SLC35D4: variants seen among roughly 807,000 people sequenced by gnomAD.
SLC35D4 encodes solute carrier family 35 member D4, also known as UDP-N-acetylglucosamine transporter SLC35D4.
chr18:23,310,116 G>A, the SLC35D4 span: 643 of 662,654 alleles, frequency 9.7e-4, 2 homozygotes, highest in Non-Finnish European at 1.1e-3. Context: ...TGCAGAACTC[G>A]TCTCCAAGGT....
chr18:23,351,346 G>A, the SLC35D4 span, among the ~76,000 whole-genome samples: 115 of 152,228 alleles, frequency 7.6e-4, 4 homozygotes, highest in East Asian at 0.02. Flanking sequence ...GGCAGAGGTT[G>A]CAATGAGTTG....
chr18:23,430,389 A>G, the SLC35D4 span, among the ~76,000 whole-genome samples: 1 of 152,106 alleles, frequency 6.6e-6, no homozygotes, highest in Non-Finnish European at 1.5e-5. Context: ...CAAATTTCTT[A>G]TGTAGGAATC....
At chr18:23,434,480 AT>A in the SLC35D4 span, among the ~76,000 whole-genome samples, 1 of 152,150 alleles carries the variant, frequency 6.6e-6, no homozygotes, top group African/African-American at 2.4e-5. Context: ...CATGGAAGGT[AT>A]TTTGTCCTTT....
chr18:23,272,286 T>G, the SLC35D4 span, among the ~76,000 whole-genome samples: 78 of 152,174 alleles, frequency 5.1e-4, no homozygotes, highest in Non-Finnish European at 8.7e-4. Flanking sequence ...ACCCCTTGCA[T>G]GGAAGCCACC....
At chr18:23,301,867 T>C in the SLC35D4 span, among the ~76,000 whole-genome samples, 1 of 152,224 alleles carries the variant, frequency 6.6e-6, no homozygotes, top group African/African-American at 2.4e-5. Flanking sequence ...AACTGTTAAT[T>C]AAAAATGAAC....
At chr18:23,429,487 C>A in the SLC35D4 span, among the ~76,000 whole-genome samples, 1 of 152,188 alleles carries the variant, frequency 6.6e-6, no homozygotes, top group Non-Finnish European at 1.5e-5. Flanking sequence ...CATTCTCCTG[C>A]CTCAGCATCC....
chr18:23,275,514 C>T, the SLC35D4 span, among the ~76,000 whole-genome samples: 1 of 152,172 alleles, frequency 6.6e-6, no homozygotes, highest in Admixed American at 6.5e-5. Flanking sequence ...TTCGCGAGAA[C>T]AAGCTGAACT....
chr18:23,419,655 T>A, the SLC35D4 span, among the ~76,000 whole-genome samples: 1 of 152,180 alleles, frequency 6.6e-6, no homozygotes, highest in Non-Finnish European at 1.5e-5. Context: ...ATGTAATGTG[T>A]GATCTGGATT....
the SLC35D4 span, among the ~76,000 whole-genome samples, chr18:23,365,119 C>G: frequency 6.6e-6 from 1 of 151,720 alleles, no homozygotes; most frequent in African/African-American, 2.4e-5. Flanking sequence ...TTGAGGTTAC[C>G]CTTTGGGATG....
At chr18:23,330,036 C>T in the SLC35D4 span, among the ~76,000 whole-genome samples, 2 of 151,988 alleles carry the variant, frequency 1.3e-5, no homozygotes, top group Admixed American at 1.3e-4. Flanking sequence ...CACCACACAA[C>T]GGGGCCTGTC....
the SLC35D4 span, among the ~76,000 whole-genome samples, chr18:23,375,180 T>C: frequency 6.6e-6 from 1 of 151,426 alleles, no homozygotes; most frequent in African/African-American, 2.4e-5. Flanking sequence ...GGCCAGATAA[T>C]AAGTGGCAAC....
At chr18:23,283,607 C>T in the SLC35D4 span, among the ~76,000 whole-genome samples, 2,733 of 151,778 alleles carry the variant, frequency 0.018, 79 homozygotes, top group African/African-American at 0.063. Context: ...GTCAGGAGTT[C>T]GAGTCCAGTC....
chr18:23,417,237 G>A, the SLC35D4 span, among the ~76,000 whole-genome samples: 61,767 of 135,246 alleles, frequency 0.46, 13,795 homozygotes, highest in Non-Finnish European at 0.57. Context: ...GCAAGACCTT[G>A]CCTCAAAAAA....
the SLC35D4 span, among the ~76,000 whole-genome samples, chr18:23,267,517 C>G: frequency 2.0e-5 from 3 of 152,112 alleles, no homozygotes; most frequent in East Asian, 5.8e-4. Context: ...TTTCCTCCCC[C>G]CAGGACACTC....
the SLC35D4 span, among the ~76,000 whole-genome samples, chr18:23,363,624 T>C: frequency 6.6e-6 from 1 of 152,126 alleles, no homozygotes; most frequent in Non-Finnish European, 1.5e-5. Context: ...TCCACCCGCC[T>C]CAGCCTCCCA....
chr18:23,402,347 T>C, the SLC35D4 span, among the ~76,000 whole-genome samples: 1 of 152,224 alleles, frequency 6.6e-6, no homozygotes, highest in Non-Finnish European at 1.5e-5. Context: ...ACTTTAACCA[T>C]GTATTTCAAT....
At chr18:23,397,831 T>C in the SLC35D4 span, among the ~76,000 whole-genome samples, 1 of 152,230 alleles carries the variant, frequency 6.6e-6, no homozygotes, top group African/African-American at 2.4e-5. Flanking sequence ...GGCGGCAGGA[T>C]TGCTTGCGCC....
the SLC35D4 span, among the ~76,000 whole-genome samples, chr18:23,375,119 A>T: frequency 2.0e-5 from 3 of 150,822 alleles, no homozygotes; most frequent in African/African-American, 7.3e-5. Context: ...CATCTCAAAA[A>T]AAAAATAAAA....
At chr18:23,411,230 G>A in the SLC35D4 span, among the ~76,000 whole-genome samples, 1 of 138,432 alleles carries the variant, frequency 7.2e-6, no homozygotes, top group African/African-American at 2.7e-5. Context: ...GGAGGGGAGG[G>A]AAGGGAAGGG....
Sources: allele counts gnomAD v4.1 joint callset (sites outside exome capture counted in the v4.1 genomes callset), GRCh38; gene constraint gnomAD v4.1.1; transcripts MANE v1.5; gene names NCBI Gene and HGNC (gene_info 2026-07-23, HGNC 2026-07-21).